Variants in SIDT1 observed in about 807,000 individuals in gnomAD.
The protein encoded by SIDT1 is SID1 transmembrane family member 1.
In SIDT1, 101 loss-of-function variants were observed where a neutral mutation model predicts 107.5. The ratio of observed to expected loss-of-function variants is 0.94; its 90% CI spans 0.80 to 1.11. The LOEUF is 1.11. SIDT1 is among the 50% of genes least tolerant of loss of function. The pLI is 0.00. For missense variants in SIDT1, 1,076 were observed against 1,058.2 expected (o/e 1.02, Z -0.23); for synonymous variants, 395 against 398.2 (o/e 0.99, Z 0.10).
In SIDT1 at chr3:113,619,721, G is replaced by A. The variant is rs1459338407; in HGVS notation, c.2085G>A (p.Trp695Ter). ...TGGTTGTGGGGAATCTGGTTAACTGGTCCTTGTAAGTAGTCTTATGAAAAC... is the reference window on the plus strand; with the variant it reads ...TGGTTGTGGGGAATCTGGTTAACTGATCCTTGTAAGTAGTCTTATGAAAAC... ...VLLVVGNLVN[W>*]SFALFGLIYR... The change falls in exon 21 of 25, where the codon TGG becomes TGA. Residue 695 changes from tryptophan to a stop codon, truncating the protein, a stop_gained. Coordinates refer to ENST00000264852, the MANE Select transcript of SIDT1 (RefSeq NM_017699.3). LOFTEE classifies it high-confidence loss of function. 4 of 1,613,904 alleles carry A rather than the reference G, an allele frequency of 2.5e-6. No individual in the cohort carries two copies. The highest frequency in any genetic ancestry group is 3.4e-6 in the Non-Finnish European group (4 of 1,179,834).
intron 3 of SIDT1, among the ~76,000 whole-genome samples, chr3:113,572,871 T>C (rs995450050): frequency 6.6e-6 from 1 of 152,228 alleles, no homozygotes; most frequent in Non-Finnish European, 1.5e-5. Context: ...GCTACTATGC[T>C]GTGAAAAGTA....
At chr3:113,591,022 T>A (rs1187035118) in intron 9 of SIDT1, among the ~76,000 whole-genome samples, 1 of 152,126 alleles carries the variant, frequency 6.6e-6, no homozygotes, top group Non-Finnish European at 1.5e-5. Flanking sequence ...CCTAATGTAA[T>A]CACAAGAATC....
At chr3:113,601,940 A>G (rs937769933) in intron 11 of SIDT1, 2 of 326,088 alleles carry the variant, frequency 6.1e-6, no homozygotes, top group East Asian at 1.2e-4. Context: ...GGACTTTTTC[A>G]TATCCAGCCC....
At chr3:113,604,170 C>T in intron 13 of SIDT1, 137 bp downstream of exon 13, 1 of 590,240 alleles carries the variant, frequency 1.7e-6, no homozygotes. Context: ...AGCCAACTAT[C>T]AGTAGACCTG....
At position 113,594,961 on chromosome 3, in the gene SIDT1, G is replaced by C. The variant is rs927418564; in HGVS notation, c.1045+1913G>C. 2.6e-5 allele frequency: 4 copies of C among 154,282 alleles called. No homozygotes were observed. The Admixed American group carries it at 2.6e-4, about 10-fold the overall frequency. 9.6% of individuals were successfully genotyped at this position (154,282 alleles called of 1,614,324 possible). On this transcript the variant is annotated intron_variant, in intron 10 of 24. Coordinates refer to ENST00000264852, the MANE Select transcript of SIDT1 (RefSeq NM_017699.3). ...GGGTCAAGGCTCACACCTTCACCTG[G>C]CAGCACCAGAGGGAAGGACCTTTTA...
chr3:113,549,225 GTTT>G (rs138443857), intron 1 of SIDT1, among the ~76,000 whole-genome samples: 4,285 of 152,242 alleles, frequency 0.028, 105 homozygotes, highest in East Asian at 0.095. Context: ...GTGTGTGCGG[GTTT>G]TTGTGTGGAC....
At chr3:113,616,366 G>A (rs1460514853) in intron 20 of SIDT1, among the ~76,000 whole-genome samples, 190 bp downstream of exon 20, 1 of 152,136 alleles carries the variant, frequency 6.6e-6, no homozygotes, top group Admixed American at 6.6e-5. Context: ...AGCTAACATG[G>A]TCCCATTTTT....
intron 10 of SIDT1, chr3:113,601,386 T>C: frequency 2.3e-6 from 1 of 428,950 alleles, no homozygotes; most frequent in Non-Finnish European, 4.2e-6. Context: ...GTTTGAAAAC[T>C]AATCTTAGTT....
At position 113,532,962 on chromosome 3, in the gene SIDT1, C is replaced by T. The variant is rs1197199132; in HGVS notation, c.-60C>T. The T allele has an allele frequency of 5.1e-6, 6 of 1,185,088 alleles. No individual in the cohort carries two copies. The highest frequency in any genetic ancestry group is 6.5e-6 in the Non-Finnish European group (6 of 919,666). 73.4% of individuals were successfully genotyped at this position (1,185,088 alleles called of 1,614,324 possible). On this transcript the variant is annotated 5_prime_UTR_variant, in exon 1 of 25. Transcript: ENST00000264852. ...CTGCACCGGGCTTTGGAAGGACCCT[C>T]TCTGCGCTCGCCCCCTCCCCAGGGT...
In SIDT1 at chr3:113,628,871, ATGT is replaced by A. The variant is rs1317068150; in HGVS notation, c.*1167_*1169del. 6.6e-6 allele frequency: 1 copy of A among 152,084 alleles called. No individual in the cohort carries two copies. Among genetic ancestry groups the A allele is most frequent in the African/African-American group, 2.4e-5 (1 of 41,378 alleles). 9.4% of individuals were successfully genotyped at this position (152,084 alleles called of 1,614,324 possible). ...TCTTGCAAAGTGCACAGCTAATCTA[ATGT>A]TGTCTCTCGGTTGCACCTGACATTC... On this transcript the variant is annotated 3_prime_UTR_variant, in exon 25 of 25. Transcript: ENST00000264852.
intron 1 of SIDT1, among the ~76,000 whole-genome samples, chr3:113,548,432 T>C (rs537072851): frequency 4.4e-4 from 67 of 152,272 alleles, no homozygotes; most frequent in African/African-American, 7.2e-5. Flanking sequence ...GGTTTTGTTT[T>C]ATTTTTACTG....
rs372463368 is a variant in SIDT1 at position 113,602,987 on chromosome 3, G to A, written c.1118-18G>A. The A allele has an allele frequency of 2.6e-5, 42 of 1,612,414 alleles. No homozygotes were observed. The highest frequency in any genetic ancestry group is 3.6e-5 in the Non-Finnish European group (42 of 1,179,104). On this transcript the variant is annotated intron_variant, in intron 11 of 24. Transcript: ENST00000264852. Reference sequence around the variant, plus strand: ...CTCTCCACGGCTTTTGATGGCAGATGAGTTGTCTCTGTTTCAGATGAGTCA... The same window carrying A: ...CTCTCCACGGCTTTTGATGGCAGATAAGTTGTCTCTGTTTCAGATGAGTCA...
chr3:113,551,830 T>C (rs1427618203), intron 1 of SIDT1, among the ~76,000 whole-genome samples: 1 of 141,700 alleles, frequency 7.1e-6, no homozygotes, highest in Admixed American at 6.8e-5. Flanking sequence ...TAGGGGTGTG[T>C]GTGTGTGTGT....
chr3:113,598,614 T>A (rs2107642874), intron 10 of SIDT1, among the ~76,000 whole-genome samples: 1 of 152,330 alleles, frequency 6.6e-6, no homozygotes, highest in South Asian at 2.1e-4. Flanking sequence ...TCACTATCCA[T>A]CCACTATCTG....
Position 113,533,093 on chromosome 3 carries a change from C to G in SIDT1, c.72C>G (p.His24Gln). ...PWLLLAASPG[H>Q]PAKSPRQPPA... Reference sequence around the variant, plus strand: ...TCCTGCTGGCGGCGTCGCCCGGGCACCCGGCGAAATCCCCCAGGCAGCCCC... The same window carrying G: ...TCCTGCTGGCGGCGTCGCCCGGGCAGCCGGCGAAATCCCCCAGGCAGCCCC... The change falls in exon 1 of 25, where the codon CAC becomes CAG. Residue 24 changes from histidine (H) to glutamine (Q), a missense_variant. Physicochemically the swap from His to Gln is conservative, Grantham distance 24. Transcript: ENST00000264852. The G allele has an allele frequency of 6.6e-7, 1 of 1,519,286 alleles. No homozygotes were observed. The highest frequency in any genetic ancestry group is 2.8e-5 in the East Asian group (1 of 36,270). The allele number at this position is 1,519,286 out of a possible 1,614,324, so 94.1% of individuals were successfully genotyped here.
At chr3:113,565,395 G>A (rs920794214) in intron 1 of SIDT1, among the ~76,000 whole-genome samples, 5 of 151,904 alleles carry the variant, frequency 3.3e-5, no homozygotes, top group African/African-American at 1.2e-4. Flanking sequence ...AGCCAGGCAT[G>A]GTGGTGCACA....
Position 113,616,115 on chromosome 3 carries a change from G to C in SIDT1, c.1982G>C (p.Arg661Pro), listed in dbSNP as rs778739679. ...TTATCAGCAGATTTGGGAATTTTCC[G>C]GCGGGCTGCCATGGTGTTCTACACA... ...GRFKIDLGIF[R>P]RAAMVFYTDC... is the part of the protein sequence containing the mutation. Residue 661 changes from arginine (R) to proline (P), a missense_variant, in exon 20 of 25, where the codon CGG becomes CCG. Arg to Pro is a moderately radical substitution (Grantham distance 103). Coordinates refer to ENST00000264852, the MANE Select transcript of SIDT1 (RefSeq NM_017699.3). 1.2e-6 allele frequency: 2 copies of C among 1,613,754 alleles called. No individual in the cohort carries two copies. Among genetic ancestry groups the C allele is most frequent in the Non-Finnish European group, 8.5e-7 (1 of 1,179,702 alleles).
rs1294501060 is a variant in SIDT1, at chr3:113,619,703, G to C, written c.2067G>C (p.Val689=). The C allele has an allele frequency of 6.2e-7, 1 of 1,614,006 alleles. No homozygotes were observed. The highest frequency in any genetic ancestry group is 1.1e-5 in the South Asian group (1 of 91,066). The part of the protein sequence containing the change: ...LYMDRMVLLV[V]GNLVNWSFAL... The stretch of plus-strand genomic sequence containing the variant: ...AGGATAGAATGGTGTTGCTGGTTGT[G>C]GGGAATCTGGTTAACTGGTCCTTGT... Residue 689 remains valine, a synonymous_variant, in exon 21 of 25, where the codon GTG becomes GTC. Transcript: ENST00000264852.
chr3:113,570,656 G>C (rs574486251), intron 3 of SIDT1, among the ~76,000 whole-genome samples: 1 of 152,178 alleles, frequency 6.6e-6, no homozygotes, highest in Non-Finnish European at 1.5e-5. Context: ...TTACACACCA[G>C]CCTTGCTGGT....
Sources: gnomAD v4.1 joint callset for allele counts (sites outside exome capture counted in the v4.1 genomes callset) on GRCh38, gnomAD v4.1.1 for gene constraint, MANE v1.5 for transcripts, NCBI Gene and HGNC (gene_info 2026-07-23, HGNC 2026-07-21) for gene names.